The following PMM2 variants were observed in gnomAD, a reference collection of about 807,000 sequenced individuals.
PMM2 encodes the protein mannose-6-phosphate isomerase.
Under a neutral mutation model 33.2 loss-of-function variants are expected in PMM2, and 35 were observed. The ratio of observed to expected loss-of-function variants is 1.06; its 90% CI spans 0.81 to 1.40. The LOEUF is 1.40. Among genes scored for constraint, PMM2 ranks in the 40% most tolerant of loss-of-function variants. The probability of loss-of-function intolerance (pLI) is 0.00; values close to 1 mark genes in which losing one functional copy is unlikely to be tolerated. For synonymous variants in PMM2, 153 were observed against 114.7 expected, an observed-to-expected ratio of 1.33 and a Z score of -2.13; for missense variants, 386 against 306.0, an observed-to-expected ratio of 1.26 and a Z score of -1.95.
Position 8,847,926 on chromosome 16 carries a change from C to T in PMM2, c.*101C>T. ...CCACACGTGCTCACCCACCCGCAGC[C>T]TAGGCAGGCTCTGCATGCTATGCCA... is the stretch of plus-strand genomic sequence containing the variant. On this transcript the variant is annotated 3_prime_UTR_variant, in exon 8 of 8. Transcript: ENST00000268261. 2.4e-6 allele frequency: 2 copies of T among 831,438 alleles called. No individual in the cohort carries two copies. The highest frequency in any genetic ancestry group is 4.0e-6 in the Non-Finnish European group (2 of 499,128). 51.5% of individuals were successfully genotyped at this position (831,438 alleles called of 1,614,324 possible).
chr16:8,803,161 A>G (rs1031221957), intron 2 of PMM2, among the ~76,000 whole-genome samples: 1 of 152,212 alleles, frequency 6.6e-6, no homozygotes, highest in African/African-American at 2.4e-5. Flanking sequence ...ACTGTTCTCA[A>G]AGATGTAATA....
At chr16:8,801,962 G>A (rs2060619198) in intron 2 of PMM2, 52 bp downstream of exon 2, 2 of 1,274,874 alleles carry the variant, frequency 1.6e-6, no homozygotes, top group Non-Finnish European at 2.3e-6. Context: ...TTCTTATGAG[G>A]ATATTGTTGC....
rs188348463 is a variant in PMM2, at chr16:8,842,046, G to C, written c.640-5678G>C. Among the ~76,000 whole-genome samples the C allele has an allele frequency of 4.5e-3, 669 of 148,656 alleles. 10 individuals are homozygous for C. The highest frequency in any genetic ancestry group is 0.015 in the African/African-American group (605 of 40,502). On this transcript the variant is annotated intron_variant, in intron 7 of 7. Transcript: ENST00000268261. Reference sequence around the variant, plus strand: ...CATGAGGGCTAGGCTAAAACAGTAAGGTCAAGTTGTTTGGACAGAAAGGCT... The same window carrying C: ...CATGAGGGCTAGGCTAAAACAGTAACGTCAAGTTGTTTGGACAGAAAGGCT...
In PMM2 at chr16:8,815,005, G is replaced by A. The variant is rs759180445; in HGVS notation, c.639+1899G>A. 3.9e-5 allele frequency among the ~76,000 whole-genome samples: 6 copies of A among 151,954 alleles called. No homozygotes were observed. In the East Asian group the frequency reaches 7.7e-4, roughly 20 times the overall value. On this transcript the variant is annotated intron_variant, in intron 7 of 7. Coordinates refer to ENST00000268261, the MANE Select transcript of PMM2 (RefSeq NM_000303.3). ...CTCCATCTCCCTCCTCCACCGCCCC[G>A]TCCCTGGCAACCACCGTTCTTTTCT...
At chr16:8,811,026 G>C in intron 4 of PMM2, 53 bp from the exon 5 acceptor site, 1 of 1,111,728 alleles carries the variant, frequency 9.0e-7, no homozygotes, top group East Asian at 2.6e-5. Context: ...TATCTATGTT[G>C]CCCAAATGAA....
chr16:8,806,525 A>G, intron 4 of PMM2, 118 bp downstream of exon 4: 3 of 756,312 alleles, frequency 4.0e-6, no homozygotes, highest in South Asian at 2.9e-5. Context: ...TTTAAAAACA[A>G]AGTCTGATAT....
intron 7 of PMM2, chr16:8,831,987 CA>C: frequency 3.8e-6 from 1 of 261,122 alleles, no homozygotes; most frequent in Non-Finnish European, 6.0e-6. Context: ...CTGAGTTCCC[CA>C]ACTAGAATCA....
intron 7 of PMM2, among the ~76,000 whole-genome samples, chr16:8,813,906 G>C (rs926302234): frequency 7.6e-6 from 1 of 131,440 alleles, no homozygotes; most frequent in Non-Finnish European, 1.6e-5. Context: ...TCGCTCTGTT[G>C]CCCAGGCTGG....
At chr16:8,825,736 G>A (rs1384820669) in intron 7 of PMM2, among the ~76,000 whole-genome samples, 1 of 149,702 alleles carries the variant, frequency 6.7e-6, no homozygotes, top group East Asian at 2.0e-4. Context: ...TAACAAATCA[G>A]TGTTCAAAAA....
intron 7 of PMM2, among the ~76,000 whole-genome samples, chr16:8,826,994 T>C (rs928774267): frequency 2.6e-5 from 4 of 152,184 alleles, no homozygotes; most frequent in Non-Finnish European, 5.9e-5. Context: ...AAATACATCT[T>C]TATAGCCTCA....
chr16:8,827,795 T>TATTTATATA (rs2060781296), intron 7 of PMM2, among the ~76,000 whole-genome samples: 5 of 59,182 alleles, frequency 8.4e-5, no homozygotes, highest in Non-Finnish European at 9.8e-5. Flanking sequence ...TATATATATT[T>TATTTATATA]ATACATATTT....
At chr16:8,832,943 G>C (rs1255514935) in intron 7 of PMM2, 10 of 799,266 alleles carry the variant, frequency 1.3e-5, no homozygotes, top group Non-Finnish European at 1.5e-5. Flanking sequence ...GCGCCCAAGA[G>C]CTGTCTGTTG....
chr16:8,817,119 G>A (rs954143473), intron 7 of PMM2, among the ~76,000 whole-genome samples: 9 of 152,178 alleles, frequency 5.9e-5, no homozygotes, highest in South Asian at 2.1e-4. Context: ...TTTCCACTAC[G>A]ATAAGCTCTC....
At chr16:8,816,236 TATACCTC>T (rs1253457478) in intron 7 of PMM2, among the ~76,000 whole-genome samples, 2 of 151,994 alleles carry the variant, frequency 1.3e-5, no homozygotes, top group Non-Finnish European at 2.9e-5. Flanking sequence ...AAGCTATTCT[TATACCTC>T]AGCCTCCCGA....
At chr16:8,828,156 T>G (rs2060789297) in intron 7 of PMM2, among the ~76,000 whole-genome samples, 1 of 150,372 alleles carries the variant, frequency 6.7e-6, no homozygotes, top group Non-Finnish European at 1.5e-5. Context: ...TTAATAAGTC[T>G]TATCTAAGAT....
At chr16:8,821,377 C>G (rs1237690506) in intron 7 of PMM2, among the ~76,000 whole-genome samples, 1 of 152,202 alleles carries the variant, frequency 6.6e-6, no homozygotes, top group Non-Finnish European at 1.5e-5. Context: ...TCCTGAGTGC[C>G]AGACTCCACA....
intron 2 of PMM2, among the ~76,000 whole-genome samples, chr16:8,803,796 G>A (rs1462233117): frequency 6.6e-6 from 1 of 151,798 alleles, no homozygotes; most frequent in East Asian, 1.9e-4. Context: ...TGATTCGTGT[G>A]CCTCAGCCTC....
intron 2 of PMM2, 28 bp downstream of exon 2, chr16:8,801,938 G>C: frequency 7.1e-7 from 1 of 1,412,590 alleles, no homozygotes; most frequent in Non-Finnish European, 1.0e-6. Context: ...AATTACATCT[G>C]GTAAAAGATT....
chr16:8,802,980 C>T (rs987189906), intron 2 of PMM2, among the ~76,000 whole-genome samples: 1 of 152,140 alleles, frequency 6.6e-6, no homozygotes, highest in Non-Finnish European at 1.5e-5. Flanking sequence ...CCAGTTAGTT[C>T]TCCATTATGA....
Sources: gnomAD v4.1 joint callset for allele counts (sites outside exome capture counted in the v4.1 genomes callset) on GRCh38, gnomAD v4.1.1 for gene constraint, MANE v1.5 for transcripts, NCBI Gene and HGNC (gene_info 2026-07-23, HGNC 2026-07-21) for gene names.